The following CCDC146 variants were observed in gnomAD, a reference collection of about 807,000 sequenced individuals.
CCDC146 encodes the protein coiled-coil domain containing 146, also known as coiled-coil domain-containing protein 146.
A neutral mutation model predicts 119.3 loss-of-function variants in CCDC146; 92 were observed. That is an observed-to-expected ratio of 0.77 (90% CI 0.65 to 0.92). The LOEUF is 0.92. Ranked by LOEUF, CCDC146 falls within the 40% of genes least tolerant of loss-of-function variation. The pLI, the probability that CCDC146 is intolerant of heterozygous loss-of-function variation, is 0.00. For synonymous variants in CCDC146, 372 were observed against 371.8 expected (o/e 1.00, Z -0.01); for missense variants, 1,000 against 1,103.0 (o/e 0.91, Z 1.32).
At chr7:77,222,735 G>A (rs1354673162) in intron 2 of CCDC146, among the ~76,000 whole-genome samples, 1 of 152,226 alleles carries the variant, frequency 6.6e-6, no homozygotes, top group East Asian at 1.9e-4. Context: ...CCTTGTATGA[G>A]AGATGCTCTG....
intron 1 of CCDC146, among the ~76,000 whole-genome samples, chr7:77,153,454 G>T (rs3987964): frequency 0.22 from 31,309 of 141,034 alleles, 3,672 homozygotes; most frequent in East Asian, 0.31. Flanking sequence ...AACAATAAAA[G>T]ATAACATTTA....
At chr7:77,234,607 C>T (rs940086493) in intron 2 of CCDC146, among the ~76,000 whole-genome samples, 28 of 151,970 alleles carry the variant, frequency 1.8e-4, no homozygotes, top group Admixed American at 1.6e-3. Flanking sequence ...TGGTGGCATG[C>T]GCCTGTAGTC....
intron 2 of CCDC146, among the ~76,000 whole-genome samples, chr7:77,204,849 T>G (rs1439135435): frequency 6.6e-6 from 1 of 152,174 alleles, no homozygotes; most frequent in Non-Finnish European, 1.5e-5. Context: ...CCAGGTGCGG[T>G]AGCTCACACC....
intron 1 of CCDC146, among the ~76,000 whole-genome samples, chr7:77,139,353 T>C (rs1443498529): frequency 6.6e-5 from 10 of 151,488 alleles, no homozygotes; most frequent in Admixed American, 3.9e-4. Context: ...CACTAGGGAG[T>C]TTGGAGTGGG....
chr7:77,204,014 CT>C (rs1344089828), intron 2 of CCDC146, among the ~76,000 whole-genome samples: 4 of 150,298 alleles, frequency 2.7e-5, no homozygotes, highest in Admixed American at 1.3e-4. Flanking sequence ...TTTGTTTCCC[CT>C]AATACAGTTT....
intron 7 of CCDC146, 172 bp from the exon 8 acceptor site, chr7:77,259,837 G>T: frequency 1.7e-6 from 1 of 571,712 alleles, no homozygotes. Flanking sequence ...CCCATCTGTG[G>T]TCTTTACCCA....
In CCDC146 at chr7:77,231,697, C is replaced by T. The variant is rs149717895; in HGVS notation, c.157-5250C>T. On this transcript the variant is annotated intron_variant, in intron 2 of 18. Transcript: ENST00000285871. ...ATTTGATGCATTGTCATCATACTCTCCTTTAATTTTTAAAACATGGTTTCT... is the reference window on the plus strand; with the variant it reads ...ATTTGATGCATTGTCATCATACTCTTCTTTAATTTTTAAAACATGGTTTCT... Among the ~76,000 whole-genome samples the T allele has an allele frequency of 5.6e-3, 858 of 152,138 alleles. 1 individual carries two copies. The highest frequency in any genetic ancestry group is 7.2e-3 in the Non-Finnish European group (487 of 68,002).
intron 1 of CCDC146, among the ~76,000 whole-genome samples, chr7:77,123,424 G>A (rs1362021918): frequency 6.7e-6 from 1 of 149,804 alleles, no homozygotes; most frequent in South Asian, 2.1e-4. Flanking sequence ...GTGTGTGTGT[G>A]TGTGTGTGTG....
intron 17 of CCDC146, among the ~76,000 whole-genome samples, chr7:77,292,142 A>G (rs943307290): frequency 1.3e-5 from 2 of 151,894 alleles, no homozygotes; most frequent in Non-Finnish European, 2.9e-5. Flanking sequence ...CAAAAATAAT[A>G]AATTAGCCAA....
At chr7:77,288,172 G>T (rs764202480) in intron 17 of CCDC146, among the ~76,000 whole-genome samples, 7 of 152,198 alleles carry the variant, frequency 4.6e-5, no homozygotes, top group Admixed American at 2.0e-4. Context: ...GAAAGGAGCA[G>T]CCAGCAGAGC....
At chr7:77,248,040 G>C (rs1246191949) in intron 4 of CCDC146, among the ~76,000 whole-genome samples, 4 of 152,152 alleles carry the variant, frequency 2.6e-5, no homozygotes, top group Admixed American at 2.0e-4. Context: ...CTAAGTGTCT[G>C]TCAAGAGATT....
At chr7:77,123,240 GA>G (rs71085442) in intron 1 of CCDC146, among the ~76,000 whole-genome samples, 3,180 of 140,778 alleles carry the variant, frequency 0.023, 95 homozygotes, top group East Asian at 0.15. Flanking sequence ...GTTTTAGAGT[GA>G]AAAAAAAAAA....
intron 1 of CCDC146, among the ~76,000 whole-genome samples, chr7:77,166,927 T>C (rs950263324): frequency 3.3e-5 from 5 of 152,218 alleles, no homozygotes; most frequent in Non-Finnish European, 7.3e-5. Context: ...TGTGGGAATT[T>C]GGTTTTGAAC....
At chr7:77,269,821 C>A (rs763113529) in intron 9 of CCDC146, among the ~76,000 whole-genome samples, 2 of 152,160 alleles carry the variant, frequency 1.3e-5, no homozygotes, top group Non-Finnish European at 2.9e-5. Context: ...GAGAGACTAA[C>A]TTCCTCTTTG....
intron 2 of CCDC146, among the ~76,000 whole-genome samples, chr7:77,207,488 C>A (rs1384626394): frequency 6.6e-6 from 1 of 152,074 alleles, no homozygotes; most frequent in Non-Finnish European, 1.5e-5. Flanking sequence ...ACAATTGATA[C>A]AAATTTCAGC....
intron 11 of CCDC146, among the ~76,000 whole-genome samples, chr7:77,275,977 C>T (rs913205143): frequency 1.3e-5 from 2 of 151,946 alleles, no homozygotes; most frequent in Non-Finnish European, 2.9e-5. Context: ...GAGGCTGAGG[C>T]GGGTGGATAA....
intron 17 of CCDC146, among the ~76,000 whole-genome samples, chr7:77,290,016 G>T (rs902077724): frequency 6.6e-6 from 1 of 152,144 alleles, no homozygotes; most frequent in Non-Finnish European, 1.5e-5. Flanking sequence ...TGATAGACTG[G>T]ATTAAGCAAA....
intron 1 of CCDC146, among the ~76,000 whole-genome samples, chr7:77,144,497 T>A (rs1267321093): frequency 6.6e-6 from 1 of 151,826 alleles, no homozygotes; most frequent in Non-Finnish European, 1.5e-5. Context: ...CTTGTACCTG[T>A]TTTCAAAGGA....
intron 2 of CCDC146, among the ~76,000 whole-genome samples, chr7:77,236,402 G>A (rs146025649): frequency 0.011 from 1,616 of 152,260 alleles, 24 homozygotes; most frequent in African/African-American, 0.036. Context: ...GAGTGATCGT[G>A]GGTTTTTGGA....
Sources: gnomAD v4.1 joint callset for allele counts (sites outside exome capture counted in the v4.1 genomes callset) on GRCh38, gnomAD v4.1.1 for gene constraint, MANE v1.5 for transcripts, NCBI Gene and HGNC (gene_info 2026-07-23, HGNC 2026-07-21) for gene names.